The following EYS variants were observed in gnomAD, a reference collection of about 807,000 sequenced individuals.
EYS encodes protein eyes shut homolog.
In EYS, 250 loss-of-function variants were observed where a neutral mutation model predicts 282.1. That is an observed-to-expected ratio of 0.89 (90% confidence interval 0.80 to 0.98). EYS has a LOEUF of 0.98. EYS is among the 50% of genes least tolerant of loss of function. The pLI is 0.00. For missense variants in EYS, 4,016 were observed against 3,709.0 expected (o/e 1.08, Z -2.15); for synonymous variants, 1,355 against 1,282.9 (o/e 1.06, Z -1.20).
chr6:65,600,748 A>G (rs919987078), intron 2 of EYS, among the ~76,000 whole-genome samples: 4 of 151,998 alleles, frequency 2.6e-5, no homozygotes, highest in African/African-American at 9.7e-5. Context: ...TGTTAGTTGC[A>G]TGAAATTTGT....
chr6:64,539,790 T>G (rs1430869083), intron 26 of EYS, among the ~76,000 whole-genome samples: 1 of 152,192 alleles, frequency 6.6e-6, no homozygotes, highest in Non-Finnish European at 1.5e-5. Flanking sequence ...CTACTATACT[T>G]TCTTTCCAAC....
intron 24 of EYS, among the ~76,000 whole-genome samples, chr6:64,614,035 G>A (rs928078776): frequency 1.3e-5 from 2 of 152,052 alleles, no homozygotes; most frequent in African/African-American, 2.4e-5. Context: ...ACAGACCAGA[G>A]GCACAGAATC....
In EYS at chr6:64,591,261, G is replaced by T. The variant is rs557152369; in HGVS notation, c.4606C>A (p.Gln1536Lys). ...TGTGATTTGATGTTTGTGAGTCTCTGGTTGCTTGAAGCCTCAGTAATAGCC... is the reference window on the plus strand; with the variant it reads ...TGTGATTTGATGTTTGTGAGTCTCTTGTTGCTTGAAGCCTCAGTAATAGCC... Reference protein sequence around the residue: ...YQAITEASSNQRLTNIKSQAA... With the variant: ...YQAITEASSNKRLTNIKSQAA... Residue 1536 changes from glutamine (Q) to lysine (K), a missense_variant, in exon 26 of 43, where the codon CAG becomes AAG. Transcript: ENST00000503581. 7.7e-6 allele frequency: 12 copies of T among 1,551,264 alleles called. No homozygotes were observed. In the Admixed American group the frequency reaches 9.8e-5, roughly 13 times the overall value.
At chr6:64,608,599 A>G (rs1767009243) in intron 24 of EYS, among the ~76,000 whole-genome samples, 1 of 152,160 alleles carries the variant, frequency 6.6e-6, no homozygotes, top group Non-Finnish European at 1.5e-5. Flanking sequence ...TTCACACAAA[A>G]AACTCCACAA....
At chr6:64,819,032 C>T (rs890297155) in intron 21 of EYS, among the ~76,000 whole-genome samples, 17 of 152,124 alleles carry the variant, frequency 1.1e-4, no homozygotes, top group African/African-American at 3.6e-4. Context: ...TATATTGACC[C>T]GAGTGCTCTT....
intron 19 of EYS, among the ~76,000 whole-genome samples, chr6:64,825,268 G>A (rs561213802): frequency 3.4e-4 from 51 of 151,820 alleles, no homozygotes; most frequent in African/African-American, 1.2e-3. Flanking sequence ...GTCTTAATCC[G>A]CAATTGCCAT....
chr6:65,102,363 A>C (rs1774918236), intron 12 of EYS, among the ~76,000 whole-genome samples: 1 of 151,282 alleles, frequency 6.6e-6, no homozygotes, highest in Admixed American at 6.6e-5. Flanking sequence ...TTCGATGCTA[A>C]TTTTTTAAGT....
At chr6:64,377,217 C>A (rs529203735) in intron 29 of EYS, among the ~76,000 whole-genome samples, 3 of 152,138 alleles carry the variant, frequency 2.0e-5, no homozygotes, top group Non-Finnish European at 2.9e-5. Flanking sequence ...GAATTAAGAT[C>A]TTTTTCAGAA....
chr6:64,085,333 T>G (rs865962133), intron 31 of EYS, among the ~76,000 whole-genome samples: 3 of 130,212 alleles, frequency 2.3e-5, no homozygotes, highest in African/African-American at 3.4e-5. Flanking sequence ...CGTGCGCACG[T>G]GCGCGCGCAC....
intron 2 of EYS, among the ~76,000 whole-genome samples, chr6:65,605,102 C>A (rs1037920458): frequency 1.3e-5 from 2 of 151,006 alleles, no homozygotes; most frequent in East Asian, 2.0e-4. Flanking sequence ...GCCTTGGCCT[C>A]CCAAATTGCT....
intron 12 of EYS, among the ~76,000 whole-genome samples, chr6:65,217,601 G>T (rs1012501276): frequency 1.3e-5 from 2 of 151,966 alleles, no homozygotes; most frequent in African/African-American, 4.8e-5. Flanking sequence ...GGTAATCACA[G>T]AAGGCATTTT....
chr6:65,688,328 G>A (rs187591933), intron 1 of EYS, among the ~76,000 whole-genome samples: 362 of 152,222 alleles, frequency 2.4e-3, no homozygotes, highest in African/African-American at 8.3e-3. Context: ...AACAAGAAAT[G>A]GGAAAAGGAT....
intron 31 of EYS, among the ~76,000 whole-genome samples, chr6:64,133,794 C>T (rs1461274644): frequency 6.6e-6 from 1 of 151,994 alleles, no homozygotes; most frequent in Admixed American, 6.6e-5. Flanking sequence ...TATAAGAGGA[C>T]TTGCCTTCAC....
chr6:63,768,254 A>C (rs1362763295), intron 40 of EYS, among the ~76,000 whole-genome samples: 1 of 152,124 alleles, frequency 6.6e-6, no homozygotes. Flanking sequence ...GAGCTTCTGC[A>C]CAGCAAAAGA....
At position 64,196,254 on chromosome 6, in the gene EYS, G is replaced by A. The variant is rs1455396239; in HGVS notation, c.6424+34338C>T. Among the ~76,000 whole-genome samples the A allele has an allele frequency of 2.6e-5, 4 of 152,232 alleles. No individual in the cohort carries two copies. The East Asian group carries it at 7.7e-4, about 29-fold the overall frequency. On this transcript the variant is annotated intron_variant, in intron 31 of 42. Transcript: ENST00000503581. ...AAAAGTCAGGAAACAACAGGTGCTAGAGAGGATGTGGAGAAATAGGAACGC... is the reference window on the plus strand; with the variant it reads ...AAAAGTCAGGAAACAACAGGTGCTAAAGAGGATGTGGAGAAATAGGAACGC...
At chr6:64,194,109 T>C (rs1294599191) in intron 31 of EYS, among the ~76,000 whole-genome samples, 2 of 151,996 alleles carry the variant, frequency 1.3e-5, no homozygotes, top group Non-Finnish European at 2.9e-5. Context: ...TCTGACCTCA[T>C]GATCTGCCGC....
intron 30 of EYS, among the ~76,000 whole-genome samples, chr6:64,296,897 G>A (rs373053888): frequency 4.6e-5 from 7 of 152,004 alleles, no homozygotes; most frequent in East Asian, 3.9e-4. Context: ...GAGCCACCAC[G>A]TCTGGCCTAG....
At chr6:64,004,214 TTAGAC>T (rs1213029529) in intron 33 of EYS, among the ~76,000 whole-genome samples, 4 of 152,286 alleles carry the variant, frequency 2.6e-5, no homozygotes, top group Admixed American at 2.6e-4. Flanking sequence ...TCAACTGTTT[TTAGAC>T]TAGAGTTTAT....
intron 5 of EYS, among the ~76,000 whole-genome samples, chr6:65,448,813 TTGA>T (rs1764292978): frequency 6.6e-6 from 1 of 152,098 alleles, no homozygotes; most frequent in Non-Finnish European, 1.5e-5. Context: ...AACTTAAGAC[TTGA>T]TGAAAATAGT....
Sources: gnomAD v4.1 joint callset for allele counts (sites outside exome capture counted in the v4.1 genomes callset) on GRCh38, gnomAD v4.1.1 for gene constraint, MANE v1.5 for transcripts, NCBI Gene and HGNC (gene_info 2026-07-23, HGNC 2026-07-21) for gene names.